Variants in MFAP1 observed in about 807,000 individuals in gnomAD.
MFAP1 encodes microfibril associated protein 1.
A neutral mutation model predicts 62.2 loss-of-function variants in MFAP1; 18 were observed. The ratio of observed to expected loss-of-function variants is 0.29; its 90% CI spans 0.20 to 0.43. The LOEUF (loss-of-function observed/expected upper bound fraction) is 0.43, where lower values mean the gene tolerates loss of function less well. MFAP1 is among the 20% of genes least tolerant of loss of function. MFAP1 has a pLI of 1.00. For missense variants in MFAP1, 355 were observed against 559.7 expected, an observed-to-expected ratio of 0.63 and a Z score of 3.69; for synonymous variants, 175 against 180.4, an observed-to-expected ratio of 0.97 and a Z score of 0.24.
Position 43,824,650 on chromosome 15 carries a change from T to C in MFAP1, c.-81A>G, listed in dbSNP as rs936370727. 3.4e-6 allele frequency: 5 copies of C among 1,461,112 alleles called. No individual in the cohort carries two copies. Among genetic ancestry groups the C allele is most frequent in the Non-Finnish European group, 4.8e-6 (5 of 1,044,826 alleles). The allele number at this position is 1,461,112 out of a possible 1,614,324, so 90.5% of individuals were successfully genotyped here. A position where few individuals can be genotyped will look rare whatever the true frequency, so the allele number is the denominator to read the frequency against. ...CAGCAACGTCAACGAAGAGAAGAAA[T>C]TCCTTCCACCTGAGTCCGCGAACAC... On this transcript the variant is annotated 5_prime_UTR_variant, in exon 1 of 9. Coordinates refer to ENST00000267812, the MANE Select transcript of MFAP1 (RefSeq NM_005926.3).
At position 43,813,286 on chromosome 15, in the gene MFAP1, T is replaced by G. The variant is rs1380068207; in HGVS notation, c.689A>C (p.Lys230Thr). ...CTTGCGCCTTTCCTCAGCCATGCGTTTTGCTTCCTGCTCCAGCTCCTTCTG... is the reference window on the plus strand; with the variant it reads ...CTTGCGCCTTTCCTCAGCCATGCGTGTTGCTTCCTGCTCCAGCTCCTTCTG... ...LKQKELEQEA[K>T]RMAEERRKYT... Residue 230 changes from lysine (K) to threonine (T), a missense_variant, in exon 5 of 9, where the codon AAA becomes ACA. Physicochemically the swap from Lys to Thr is moderately conservative, Grantham distance 78. Transcript: ENST00000267812. 6.2e-7 allele frequency: 1 copy of G among 1,613,170 alleles called. No homozygotes were observed. Among genetic ancestry groups the G allele is most frequent in the East Asian group, 2.2e-5 (1 of 44,876 alleles).
chr15:43,806,319 T>C (rs1567175372), intron 7 of MFAP1, among the ~76,000 whole-genome samples: 1 of 152,336 alleles, frequency 6.6e-6, no homozygotes, highest in Non-Finnish European at 1.5e-5. Context: ...CATTTATTAA[T>C]ACCTAACCTT....
intron 2 of MFAP1, among the ~76,000 whole-genome samples, chr15:43,816,092 G>A (rs1325405634): frequency 6.6e-6 from 1 of 152,040 alleles, no homozygotes; most frequent in Non-Finnish European, 1.5e-5. Flanking sequence ...TATAAAACAA[G>A]ACATGAAAAA....
In MFAP1 at chr15:43,805,081, A is replaced by T; in HGVS notation, c.*13T>A. ...CCTTGTGTTCCACAGTTGGAAGAATAAGCAGTTGGACCCTAGGTAGTTTTC... is the reference window on the plus strand; with the variant it reads ...CCTTGTGTTCCACAGTTGGAAGAATTAGCAGTTGGACCCTAGGTAGTTTTC... On this transcript the variant is annotated 3_prime_UTR_variant, in exon 9 of 9. Transcript: ENST00000267812. 6.4e-7 allele frequency: 1 copy of T among 1,557,908 alleles called. No homozygotes were observed. The highest frequency in any genetic ancestry group is 8.7e-7 in the Non-Finnish European group (1 of 1,144,388).
chr15:43,822,200 C>CAAA (rs779775224), intron 1 of MFAP1, among the ~76,000 whole-genome samples: 13 of 65,912 alleles, frequency 2.0e-4, no homozygotes, highest in South Asian at 5.8e-4. Context: ...AACTCTTTCT[C>CAAA]AAAAAAAAAA....
chr15:43,810,654 A>G (rs1441764091), intron 6 of MFAP1, among the ~76,000 whole-genome samples: 1 of 152,214 alleles, frequency 6.6e-6, no homozygotes, highest in African/African-American at 2.4e-5. Flanking sequence ...GGCGTGAGCC[A>G]CTGCGCCCAG....
intron 7 of MFAP1, among the ~76,000 whole-genome samples, chr15:43,805,950 T>C (rs2087362486): frequency 6.6e-6 from 1 of 150,638 alleles, no homozygotes; most frequent in African/African-American, 2.4e-5. Flanking sequence ...TTTCTCCTTT[T>C]TTTTTTTTTT....
At chr15:43,812,255 C>G (rs969486624) in intron 6 of MFAP1, among the ~76,000 whole-genome samples, 1 of 151,250 alleles carries the variant, frequency 6.6e-6, no homozygotes, top group African/African-American at 2.4e-5. Context: ...AATTCTTCCC[C>G]TCACAGTATG....
At position 43,820,017 on chromosome 15, in the gene MFAP1, G is replaced by A. The variant is rs907604232; in HGVS notation, c.80-2569C>T. Among the ~76,000 whole-genome samples the A allele has an allele frequency of 2.6e-5, 4 of 152,176 alleles. No homozygotes were observed. In the East Asian group the frequency reaches 7.7e-4, roughly 29 times the overall value. Reference sequence around the variant, plus strand: ...AAAAAAATTAGCCAGGCATGGTGGCGAGTGCCTGTAGTCCCAGCTACTTGG... The same window carrying A: ...AAAAAAATTAGCCAGGCATGGTGGCAAGTGCCTGTAGTCCCAGCTACTTGG... On this transcript the variant is annotated intron_variant, in intron 1 of 8. Coordinates refer to ENST00000267812, the MANE Select transcript of MFAP1 (RefSeq NM_005926.3).
rs574777413 is a variant in MFAP1 at position 43,814,977 on chromosome 15, T to C, written c.397A>G (p.Ser133Gly). 1 of 1,614,186 alleles carries C rather than the reference T, an allele frequency of 6.2e-7. No individual in the cohort carries two copies. ...DAWRMEREDS[S>G]EEEEEEIDDE... ...TCAATTTCCTCCTCCTCTTCTTCAC[T>C]GCTGTCTTCTCGTTCCATGCGCCAA... Residue 133 changes from serine (S) to glycine (G), a missense_variant, in exon 3 of 9, where the codon AGT (serine) becomes GGT (glycine). By Grantham distance (56) the Ser-to-Gly change is moderately conservative (BLOSUM62 0). Around this residue, in one of 6 missense-constraint regions of MFAP1, gnomAD observed 257 missense variants for 341.3 expected, o/e 0.75. Transcript: ENST00000267812.
rs28484621 is a variant in MFAP1 at position 43,810,374 on chromosome 15, T to C, written c.888-460A>G. On this transcript the variant is annotated intron_variant, in intron 6 of 8. Transcript: ENST00000267812. ...ATTGCAGTAACTTTTTTTTTTTTTT[T>C]TCTTTTTGGTGAGATGGAGTCTTGC... Among the ~76,000 whole-genome samples, 53 of 152,010 alleles carry C rather than the reference T, an allele frequency of 3.5e-4. No homozygotes were observed. In the East Asian group the frequency reaches 4.2e-3, roughly 12 times the overall value.
chr15:43,814,914 G>GA, intron 3 of MFAP1, 31 bp downstream of exon 3: 4 of 1,609,652 alleles, frequency 2.5e-6, no homozygotes, highest in Non-Finnish European at 2.5e-6. Context: ...CTTATATCCA[G>GA]AAAAAAACTT....
In MFAP1 at chr15:43,805,450, C is replaced by G; in HGVS notation, c.1063G>C (p.Val355Leu). 6.2e-7 allele frequency: 1 copy of G among 1,610,920 alleles called. No homozygotes were observed. Among genetic ancestry groups the G allele is most frequent in the Non-Finnish European group, 8.5e-7 (1 of 1,179,226 alleles). The change falls in exon 8 of 9, where the codon GTA becomes CTA. Residue 355 changes from valine (V) to leucine (L), a missense_variant. Val to Leu is a conservative substitution (Grantham distance 32). This residue lies in a region of MFAP1 where 24 missense variants were observed against 57.0 expected (regional missense o/e 0.42). Transcript: ENST00000267812. ...GAFFMDEDEE[V>L]YKRDFSAPTL... ...GGAGCGCTGAAATCTCTCTTGTATA[C>G]TTCTTCATCCTCATCCTGTATAAAA...
intron 2 of MFAP1, among the ~76,000 whole-genome samples, chr15:43,816,250 C>T (rs1423367713): frequency 9.6e-5 from 13 of 135,738 alleles, no homozygotes; most frequent in South Asian, 2.3e-4. Context: ...TTTTTCTTTT[C>T]TTTTTTTTTT....
Position 43,807,773 on chromosome 15 carries a change from G to C in MFAP1, c.1047+1982C>G, listed in dbSNP as rs144754509. ...ACTTTACTTTTACTTATGTTATAGT[G>C]ATTATGTATTCTCGCTAACAGTGCT... is the stretch of plus-strand genomic sequence containing the variant. On this transcript the variant is annotated intron_variant, in intron 7 of 8. Coordinates refer to ENST00000267812, the MANE Select transcript of MFAP1 (RefSeq NM_005926.3). 1.9e-4 allele frequency among the ~76,000 whole-genome samples: 29 copies of C among 152,298 alleles called. 1 individual carries two copies. In the East Asian group the frequency reaches 5.2e-3, roughly 27 times the overall value.
chr15:43,816,481 G>A (rs1596057893), intron 2 of MFAP1, among the ~76,000 whole-genome samples: 1 of 151,914 alleles, frequency 6.6e-6, no homozygotes, highest in Admixed American at 6.6e-5. Context: ...TCCTGACCTC[G>A]TGATCCACCC....
intron 4 of MFAP1, 64 bp downstream of exon 4, chr15:43,814,437 T>G (rs2087422038): frequency 2.0e-6 from 3 of 1,505,902 alleles, no homozygotes; most frequent in Non-Finnish European, 2.7e-6. Context: ...GAAAACAGAC[T>G]TTTGTCTCCA....
intron 1 of MFAP1, among the ~76,000 whole-genome samples, chr15:43,822,123 C>G (rs900747037): frequency 6.7e-6 from 1 of 148,716 alleles, no homozygotes; most frequent in Non-Finnish European, 1.5e-5. Context: ...CAGCATCGGC[C>G]GGACGCAGTA....
At chr15:43,810,239 G>C in intron 6 of MFAP1, 1 of 225,914 alleles carries the variant, frequency 4.4e-6, no homozygotes, top group Non-Finnish European at 8.6e-6. Flanking sequence ...AAAAAAATCA[G>C]TGAATTTAAA....
Sources: gnomAD v4.1 joint callset for allele counts (sites outside exome capture counted in the v4.1 genomes callset) on GRCh38, gnomAD v4.1.1 for gene constraint, gnomAD v4.1.1 regional missense constraint, MANE v1.5 for transcripts, NCBI Gene and HGNC (gene_info 2026-07-23, HGNC 2026-07-21) for gene names.